Variants in PARP16 observed in about 807,000 individuals in gnomAD.
PARP16 encodes the protein poly(ADP-ribose) polymerase family member 16.
PARP16 carries 31 observed loss-of-function variants against 35.0 expected under a neutral mutation model. The observed-to-expected ratio is 0.88, with a 90% confidence interval of 0.66 to 1.19. The LOEUF is 1.19. Ranked by LOEUF, PARP16 falls within the 50% of genes most tolerant of loss-of-function variation. The pLI, the probability that PARP16 is intolerant of heterozygous loss-of-function variation, is 0.00. For synonymous variants in PARP16, 162 were observed against 169.5 expected, an observed-to-expected ratio of 0.96 and a Z score of 0.34; for missense variants, 424 against 411.2, an observed-to-expected ratio of 1.03 and a Z score of -0.27.
intron 3 of PARP16, among the ~76,000 whole-genome samples, chr15:65,239,125 C>T (rs961962820): frequency 5.3e-5 from 8 of 151,330 alleles, no homozygotes; most frequent in Non-Finnish European, 1.0e-4. Flanking sequence ...AGTGGGATCC[C>T]GACTCAAAGA....
At chr15:65,284,209 C>T (rs1311125721) in intron 1 of PARP16, among the ~76,000 whole-genome samples, 1 of 152,160 alleles carries the variant, frequency 6.6e-6, no homozygotes, top group African/African-American at 2.4e-5. Flanking sequence ...ATTTTGCATT[C>T]CTGGGATGAA....
chr15:65,261,177 G>A, intron 4 of PARP16, 151 bp from the exon 5 acceptor site: 1 of 563,314 alleles, frequency 1.8e-6, no homozygotes, highest in Non-Finnish European at 3.0e-6. Flanking sequence ...AAGCAGCACT[G>A]AAAAAAACGG....
chr15:65,245,942 G>A (rs2089198618), intron 3 of PARP16, among the ~76,000 whole-genome samples: 1 of 152,122 alleles, frequency 6.6e-6, no homozygotes, highest in African/African-American at 2.4e-5. Flanking sequence ...AGCCAGATAT[G>A]GTGAGGGGCC....
intron 2 of PARP16, among the ~76,000 whole-genome samples, chr15:65,248,618 C>T (rs979378691): frequency 6.6e-6 from 1 of 152,172 alleles, no homozygotes; most frequent in Non-Finnish European, 1.5e-5. Context: ...CTGATCTGCT[C>T]AGCTAGACAA....
At chr15:65,245,417 A>G (rs1041710638) in intron 3 of PARP16, among the ~76,000 whole-genome samples, 2 of 152,224 alleles carry the variant, frequency 1.3e-5, no homozygotes, top group African/African-American at 4.8e-5. Flanking sequence ...TGTGCCCTTC[A>G]TAGACCAGGG....
rs960101078 is a variant in PARP16 at position 65,259,264 on chromosome 15, A to C, written c.*143T>G. ...GGGAACATCATCAAAGGCAATGGATACATTTAGGCCATATGAAAATTGTCC... is the reference window on the plus strand; with the variant it reads ...GGGAACATCATCAAAGGCAATGGATCCATTTAGGCCATATGAAAATTGTCC... On this transcript the variant is annotated 3_prime_UTR_variant, in exon 6 of 6. Transcript: ENST00000649807. 1.4e-6 allele frequency: 1 copy of C among 724,420 alleles called. No homozygotes were observed. Among genetic ancestry groups the C allele is most frequent in the African/African-American group, 1.8e-5 (1 of 56,850 alleles). The allele number at this position is 724,420 out of a possible 1,614,324, so 44.9% of individuals were successfully genotyped here. A position where few individuals can be genotyped will look rare whatever the true frequency, so the allele number is the denominator to read the frequency against.
At chr15:65,260,859 C>G (rs2089686118) in intron 5 of PARP16, 26 bp downstream of exon 5, 1 of 1,609,376 alleles carries the variant, frequency 6.2e-7, no homozygotes, top group East Asian at 2.2e-5. Flanking sequence ...CTGAATACAG[C>G]CATTAGTTGT....
chr15:65,251,273 A>G (rs1039841189), intron 2 of PARP16, among the ~76,000 whole-genome samples: 9 of 152,170 alleles, frequency 5.9e-5, no homozygotes, highest in Admixed American at 2.0e-4. Flanking sequence ...CAGACTCACT[A>G]GTTTGGAATT....
At chr15:65,264,528 G>A (rs1222855025) in intron 3 of PARP16, among the ~76,000 whole-genome samples, 2 of 152,200 alleles carry the variant, frequency 1.3e-5, no homozygotes, top group Non-Finnish European at 2.9e-5. Flanking sequence ...GAAGCTTAGG[G>A]GAAATGAAAC....
intron 3 of PARP16, among the ~76,000 whole-genome samples, chr15:65,237,370 G>A (rs954343055): frequency 3.3e-5 from 5 of 152,158 alleles, no homozygotes; most frequent in African/African-American, 1.2e-4. Context: ...CAAAAGATGT[G>A]TCTACATCCT....
In PARP16 at chr15:65,286,637, A is replaced by G. The variant is rs1045648231; in HGVS notation, c.-211T>C. 1.4e-5 allele frequency: 6 copies of G among 434,018 alleles called. No homozygotes were observed. The highest frequency in any genetic ancestry group is 2.0e-5 in the Non-Finnish European group (5 of 245,672). The allele number at this position is 434,018 out of a possible 1,614,324, so 26.9% of individuals were successfully genotyped here. On this transcript the variant is annotated 5_prime_UTR_variant, in exon 1 of 6. Transcript: ENST00000649807. ...GGGTCTGGGCCGCGGCTCGCCGCCG[A>G]AGAGAGAGACCGAGGCCTGGACCGC...
chr15:65,255,762 GA>G (rs1354074353), downstream of PARP16, among the ~76,000 whole-genome samples: 2,579 of 121,600 alleles, frequency 0.021, 33 homozygotes, highest in African/African-American at 0.039. Context: ...AAAAAAAAAA[GA>G]AAAAAAAAAA....
chr15:65,239,454 G>GA (rs1567007938), intron 3 of PARP16, among the ~76,000 whole-genome samples: 1 of 43,628 alleles, frequency 2.3e-5, no homozygotes, highest in African/African-American at 7.3e-5. Context: ...AAAAAAAAAA[G>GA]AGAGAAAAGA....
chr15:65,276,551 A>G (rs1472258560), intron 1 of PARP16, among the ~76,000 whole-genome samples: 1 of 151,966 alleles, frequency 6.6e-6, no homozygotes, highest in Admixed American at 6.6e-5. Flanking sequence ...TTTTTTGTAC[A>G]GACAGGGTTC....
chr15:65,280,890 A>T (rs2090403275), intron 1 of PARP16, among the ~76,000 whole-genome samples: 1 of 152,202 alleles, frequency 6.6e-6, no homozygotes, highest in Non-Finnish European at 1.5e-5. Context: ...GAACAGGGTA[A>T]GCTTCATGCA....
At chr15:65,230,994 T>G (rs1428378845), downstream of PARP16, among the ~76,000 whole-genome samples, 1 of 151,218 alleles carries the variant, frequency 6.6e-6, no homozygotes, top group Non-Finnish European at 1.5e-5. Flanking sequence ...GGTCAAGTGA[T>G]TCTCCTGCCT....
At chr15:65,233,522 T>C (rs1036169654), downstream of PARP16, among the ~76,000 whole-genome samples, 2 of 152,178 alleles carry the variant, frequency 1.3e-5, no homozygotes, top group Admixed American at 6.5e-5. Context: ...GCAGATCACT[T>C]GAGGCCAGTT....
Position 65,263,187 on chromosome 15 carries a change from A to C in PARP16, c.653T>G (p.Ile218Ser). 1 of 1,614,176 alleles carries C rather than the reference A, an allele frequency of 6.2e-7. No individual in the cohort carries two copies. The highest frequency in any genetic ancestry group is 8.5e-7 in the Non-Finnish European group (1 of 1,180,022). ...TTGGCACTTGACGTCCGGATGGTCA[A>C]TGACCTCACACACGGCCACACAGCT... ...ILSCVAVCEV[I>S]DHPDVKCQTK... The change falls in exon 4 of 6, where the codon ATT (isoleucine) becomes AGT (serine). Residue 218 changes from isoleucine to serine, a missense_variant. Transcript: ENST00000649807.
At chr15:65,266,960 G>A (rs889633685) in intron 2 of PARP16, among the ~76,000 whole-genome samples, 192 bp from the exon 3 acceptor site, 1 of 152,086 alleles carries the variant, frequency 6.6e-6, no homozygotes. Context: ...CATTTTTCCC[G>A]GTCGGGTGTG....
Sources: gnomAD v4.1 joint callset for allele counts (sites outside exome capture counted in the v4.1 genomes callset) on GRCh38, gnomAD v4.1.1 for gene constraint, MANE v1.5 for transcripts, NCBI Gene and HGNC (gene_info 2026-07-23, HGNC 2026-07-21) for gene names.